MCTP1: variants seen among roughly 807,000 people sequenced by gnomAD.
MCTP1 encodes the protein multiple C2 and transmembrane domain containing 1, also known as multiple C2 and transmembrane domain-containing protein 1.
MCTP1 carries 69 observed loss-of-function variants against 120.6 expected under a neutral mutation model. The ratio of observed to expected loss-of-function variants is 0.57; its 90% CI spans 0.47 to 0.70. The LOEUF (loss-of-function observed/expected upper bound fraction) is 0.70. MCTP1 is among the 30% of genes least tolerant of loss of function. The pLI, the probability that MCTP1 is intolerant of heterozygous loss-of-function variation, is 0.00. For missense variants in MCTP1, 1,203 were observed against 1,248.8 expected (o/e 0.96, Z 0.55); for synonymous variants, 529 against 493.1 (o/e 1.07, Z -0.96).
intron 19 of MCTP1, among the ~76,000 whole-genome samples, chr5:94,759,130 T>C (rs1333188320): frequency 5.9e-5 from 9 of 152,172 alleles, no homozygotes; most frequent in Non-Finnish European, 8.8e-5. Flanking sequence ...TGCACAGATA[T>C]ATGATCAACT....
intron 2 of MCTP1, among the ~76,000 whole-genome samples, chr5:94,966,228 G>A (rs1825562196): frequency 6.6e-6 from 1 of 152,124 alleles, no homozygotes; most frequent in South Asian, 2.1e-4. Flanking sequence ...CAGACTCCAA[G>A]CCCAATGTTT....
chr5:95,121,936 C>CAAAAAAA (rs70978167), intron 1 of MCTP1, among the ~76,000 whole-genome samples: 1 of 112,736 alleles, frequency 8.9e-6, no homozygotes, highest in Non-Finnish European at 1.8e-5. Context: ...TATCCATATG[C>CAAAAAAA]AAAAAAAAAA....
chr5:95,222,787 A>T (rs1753825240), intron 1 of MCTP1, among the ~76,000 whole-genome samples: 1 of 152,268 alleles, frequency 6.6e-6, no homozygotes, highest in Admixed American at 6.5e-5. Context: ...TCACATAAAC[A>T]GTTTTATGTA....
intron 7 of MCTP1, among the ~76,000 whole-genome samples, chr5:94,918,674 T>G (rs62365751): frequency 0.41 from 61,998 of 151,972 alleles, 12,959 homozygotes; most frequent in East Asian, 0.71. Flanking sequence ...TTAAAGAAAG[T>G]TTCTTAACAA....
intron 5 of MCTP1, among the ~76,000 whole-genome samples, chr5:94,936,108 T>G (rs1746682807): frequency 6.6e-6 from 1 of 151,954 alleles, no homozygotes; most frequent in Non-Finnish European, 1.5e-5. Context: ...GGAAGAGCAA[T>G]AAGGCTTGAT....
intron 8 of MCTP1, 77 bp downstream of exon 8, chr5:94,917,819 T>C (rs1179401918): frequency 4.4e-6 from 5 of 1,131,804 alleles, no homozygotes; most frequent in Non-Finnish European, 6.7e-6. Context: ...GGGTTTTCAG[T>C]ACAGTAAGTT....
At chr5:94,888,673 T>G (rs1021684745) in intron 12 of MCTP1, among the ~76,000 whole-genome samples, 4 of 152,332 alleles carry the variant, frequency 2.6e-5, no homozygotes, top group East Asian at 3.9e-4. Flanking sequence ...TTTTTTAGTG[T>G]TTATTTTTAA....
chr5:95,277,264 C>G (rs750278065), intron 1 of MCTP1, among the ~76,000 whole-genome samples: 22 of 152,140 alleles, frequency 1.4e-4, no homozygotes, highest in Non-Finnish European at 3.1e-4. Context: ...TCCATGGGAG[C>G]ACAATATGGC....
At position 95,045,905 on chromosome 5, in the gene MCTP1, A is replaced by G. The variant is rs578175568; in HGVS notation, c.721-28421T>C. ...AATCCTGGCTCTGATATTTTCTTAG[A>G]AAGTGGGAAAGTGGCTGAACCTCTT... On this transcript the variant is annotated intron_variant, in intron 1 of 22. Transcript: ENST00000515393. Among the ~76,000 whole-genome samples the G allele has an allele frequency of 1.1e-3, 175 of 152,280 alleles. 1 individual carries two copies. Among genetic ancestry groups the G allele is most frequent in the Non-Finnish European group, 1.7e-3 (114 of 68,012 alleles).
intron 1 of MCTP1, among the ~76,000 whole-genome samples, chr5:95,056,017 T>C (rs971271872): frequency 2.6e-5 from 4 of 152,246 alleles, no homozygotes; most frequent in African/African-American, 9.6e-5. Flanking sequence ...GAAACTTCTA[T>C]GTATCTGTCC....
At chr5:94,962,133 A>AT (rs35618524) in intron 2 of MCTP1, among the ~76,000 whole-genome samples, 32,876 of 151,738 alleles carry the variant, frequency 0.22, 3,668 homozygotes, top group African/African-American at 0.26. Flanking sequence ...AATAATAATA[A>AT]AAAAAAAGAA....
intron 1 of MCTP1, among the ~76,000 whole-genome samples, chr5:95,203,250 G>A (rs1166534727): frequency 6.6e-6 from 1 of 152,094 alleles, no homozygotes; most frequent in African/African-American, 2.4e-5. Context: ...TTTATGCTTT[G>A]GGTCCTTAAA....
chr5:95,233,704 T>C (rs906418769), intron 1 of MCTP1, among the ~76,000 whole-genome samples: 3 of 152,124 alleles, frequency 2.0e-5, no homozygotes, highest in Non-Finnish European at 4.4e-5. Context: ...TTAAACTGAA[T>C]AAAAATGAAA....
chr5:95,272,356 T>C (rs1377318415), intron 1 of MCTP1, among the ~76,000 whole-genome samples: 1 of 152,162 alleles, frequency 6.6e-6, no homozygotes, highest in African/African-American at 2.4e-5. Flanking sequence ...ACATTATAGC[T>C]GAAAGGTAAG....
intron 1 of MCTP1, among the ~76,000 whole-genome samples, chr5:95,031,252 G>A (rs1003780961): frequency 5.3e-5 from 8 of 151,740 alleles, no homozygotes; most frequent in African/African-American, 1.7e-4. Flanking sequence ...TGCTAGTGAG[G>A]TCAACATCCA....
At position 94,953,896 on chromosome 5, in the gene MCTP1, T is replaced by TATATATGCATATATATACAA. The variant is rs1821432572; in HGVS notation, c.839-536_839-535insTTGTATATATATGCATATAT. Among the ~76,000 whole-genome samples, 18 of 60,548 alleles carry TATATATGCATATATATACAA rather than the reference T, an allele frequency of 3.0e-4. 1 individual carries two copies. The highest frequency in any genetic ancestry group is 1.5e-3 in the East Asian group (4 of 2,682). The allele number at this position is 60,548 out of a possible 152,430, so 39.7% of individuals were successfully genotyped here. A position where few individuals can be genotyped will look rare whatever the true frequency, so the allele number is the denominator to read the frequency against. On this transcript the variant is annotated intron_variant, in intron 2 of 22. Coordinates refer to ENST00000515393, the MANE Select transcript of MCTP1 (RefSeq NM_024717.7). Reference sequence around the variant, plus strand: ...AAATATATATGCATATATATACAAATATATATATGCATATATATACAAATA... The same window carrying TATATATGCATATATATACAA: ...AAATATATATGCATATATATACAAATATATATGCATATATATACAAATATATATGCATATATATACAAATA...
chr5:94,972,104 G>A (rs1321796157), intron 2 of MCTP1, among the ~76,000 whole-genome samples: 1 of 151,916 alleles, frequency 6.6e-6, no homozygotes, highest in Non-Finnish European at 1.5e-5. Flanking sequence ...AAGTCCTAAT[G>A]GAATTCTCTC....
At chr5:95,154,445 T>G (rs964271556) in intron 1 of MCTP1, among the ~76,000 whole-genome samples, 1 of 152,126 alleles carries the variant, frequency 6.6e-6, no homozygotes, top group Non-Finnish European at 1.5e-5. Context: ...AATAGAGGAA[T>G]AGAATGAGAT....
chr5:94,858,748 T>C (rs1254474976), intron 17 of MCTP1, among the ~76,000 whole-genome samples: 1 of 151,696 alleles, frequency 6.6e-6, no homozygotes, highest in East Asian at 1.9e-4. Flanking sequence ...ATTCCAGTTG[T>C]ACCATTCCAT....
Sources: gnomAD v4.1 joint callset for allele counts (sites outside exome capture counted in the v4.1 genomes callset) on GRCh38, gnomAD v4.1.1 for gene constraint, MANE v1.5 for transcripts, NCBI Gene and HGNC (gene_info 2026-07-23, HGNC 2026-07-21) for gene names.